The following CSMD1 variants were observed in gnomAD, a reference collection of about 807,000 sequenced individuals.
CSMD1 encodes the protein CUB and sushi domain-containing protein 1.
CSMD1 carries 213 observed loss-of-function variants against 417.5 expected under a neutral mutation model. That is an observed-to-expected ratio of 0.51 (90% CI 0.46 to 0.57). The LOEUF (loss-of-function observed/expected upper bound fraction) is 0.57, where lower values mean the gene tolerates loss of function less well. Ranked by LOEUF, CSMD1 falls within the 20% of genes least tolerant of loss-of-function variation. The probability of loss-of-function intolerance (pLI) is 0.00; values close to 1 mark genes in which losing one functional copy is unlikely to be tolerated. For missense variants in CSMD1, 6,923 were observed against 4,529.7 expected (o/e 1.53, Z -15.17); for synonymous variants, 2,862 against 1,736.8 (o/e 1.65, Z -16.11).
At chr8:4,306,200 G>A (rs1314220808) in intron 3 of CSMD1, among the ~76,000 whole-genome samples, 2 of 152,154 alleles carry the variant, frequency 1.3e-5, no homozygotes, top group African/African-American at 4.8e-5. Flanking sequence ...TAAAACGCTA[G>A]TGTGCTCTTC....
intron 7 of CSMD1, among the ~76,000 whole-genome samples, chr8:3,664,845 A>T (rs901506579): frequency 6.6e-6 from 1 of 152,242 alleles, no homozygotes; most frequent in Non-Finnish European, 1.5e-5. Flanking sequence ...TTTAGCAGTA[A>T]AGCCAGACAT....
intron 3 of CSMD1, among the ~76,000 whole-genome samples, chr8:4,138,973 T>C (rs1803608255): frequency 6.6e-6 from 1 of 152,198 alleles, no homozygotes; most frequent in Non-Finnish European, 1.5e-5. Context: ...GCCATGCATC[T>C]TTCCTGAGCT....
chr8:3,175,115 G>T (rs902191873), intron 37 of CSMD1, among the ~76,000 whole-genome samples: 1 of 152,138 alleles, frequency 6.6e-6, no homozygotes, highest in East Asian at 1.9e-4. Context: ...ATCAAATCAG[G>T]TAAAACAGTA....
chr8:3,076,791 G>C (rs10081410), intron 49 of CSMD1, among the ~76,000 whole-genome samples: 3,331 of 152,250 alleles, frequency 0.022, 111 homozygotes, highest in African/African-American at 0.077. Flanking sequence ...CAAAATGCTG[G>C]GGATTCGAAG....
chr8:3,559,159 C>G lies in CSMD1; in HGVS notation c.1344+15786G>C, dbSNP rs533109416. ...TGTGTGTACCCTGTGGCAGGAACTT[C>G]CATGAGCTCTCTTTTAGCATATGGT... is the stretch of plus-strand genomic sequence containing the variant. On this transcript the variant is annotated intron_variant, in intron 10 of 69. Transcript: ENST00000635120. 2.4e-4 allele frequency among the ~76,000 whole-genome samples: 36 copies of G among 152,314 alleles called. 1 individual carries two copies. The Middle Eastern group carries it at 0.01, about 43-fold the overall frequency.
chr8:4,793,323 G>A (rs780566319), intron 1 of CSMD1, among the ~76,000 whole-genome samples: 10 of 152,086 alleles, frequency 6.6e-5, no homozygotes, highest in Non-Finnish European at 1.3e-4. Context: ...CACAGAAGAG[G>A]CATTTTTATT....
chr8:4,517,858 C>G (rs753725367), intron 2 of CSMD1, among the ~76,000 whole-genome samples: 2 of 152,096 alleles, frequency 1.3e-5, no homozygotes, highest in Non-Finnish European at 2.9e-5. Context: ...AAAAGCCACA[C>G]GTATTTTGTA....
At chr8:3,264,728 T>C (rs1208052048) in intron 26 of CSMD1, among the ~76,000 whole-genome samples, 1 of 152,220 alleles carries the variant, frequency 6.6e-6, no homozygotes, top group Non-Finnish European at 1.5e-5. Flanking sequence ...AAATGATTGC[T>C]AATAGAGTTT....
chr8:4,823,593 T>C lies in CSMD1; in HGVS notation c.85+170739A>G, dbSNP rs374126572. Among the ~76,000 whole-genome samples the C allele has an allele frequency of 7.3e-4, 111 of 152,184 alleles. 3 individuals are homozygous for C. In the South Asian group the frequency reaches 0.022, roughly 30 times the overall value. On this transcript the variant is annotated intron_variant, in intron 1 of 69. Transcript: ENST00000635120. Reference sequence around the variant, plus strand: ...CCAGTACACACAGCAAAGATGGGCATTTGCCCACTCAAACATACATCGACC... The same window carrying C: ...CCAGTACACACAGCAAAGATGGGCACTTGCCCACTCAAACATACATCGACC...
intron 2 of CSMD1, among the ~76,000 whole-genome samples, chr8:4,631,328 C>G (rs188290150): frequency 7.4e-4 from 112 of 151,996 alleles, no homozygotes; most frequent in African/African-American, 2.1e-3. Flanking sequence ...TGCCACCACG[C>G]TCCAGCCTGG....
chr8:3,298,225 G>C (rs987750508), intron 25 of CSMD1, among the ~76,000 whole-genome samples: 1 of 152,094 alleles, frequency 6.6e-6, no homozygotes, highest in Non-Finnish European at 1.5e-5. Flanking sequence ...AGCAATTCCT[G>C]GCCTCAGTGT....
chr8:3,256,189 G>A (rs539959608), intron 26 of CSMD1, among the ~76,000 whole-genome samples: 2 of 151,922 alleles, frequency 1.3e-5, no homozygotes, highest in Admixed American at 6.6e-5. Context: ...TTAGCTGGGC[G>A]TGGTGGTGGC....
At chr8:4,208,207 A>T (rs1399945773) in intron 3 of CSMD1, among the ~76,000 whole-genome samples, 1 of 152,184 alleles carries the variant, frequency 6.6e-6, no homozygotes, top group Admixed American at 6.5e-5. Context: ...TGGAACACAG[A>T]TATTTCTTCT....
intron 25 of CSMD1, among the ~76,000 whole-genome samples, chr8:3,285,877 C>T (rs1803115139): frequency 6.6e-6 from 1 of 151,860 alleles, no homozygotes; most frequent in South Asian, 2.1e-4. Flanking sequence ...TAAATGTGCA[C>T]AACGTGCAGG....
chr8:3,672,333 C>T (rs999509588), intron 7 of CSMD1, among the ~76,000 whole-genome samples: 1 of 140,564 alleles, frequency 7.1e-6, no homozygotes, highest in African/African-American at 2.7e-5. Flanking sequence ...GGCTTCTGAC[C>T]TTCCCCTTTT....
At chr8:4,069,103 T>C (rs1316850147) in intron 3 of CSMD1, among the ~76,000 whole-genome samples, 1 of 152,212 alleles carries the variant, frequency 6.6e-6, no homozygotes, top group East Asian at 1.9e-4. Context: ...ATGGACTCCA[T>C]TTTGATTTCC....
At chr8:4,834,245 G>A (rs1033973642) in intron 1 of CSMD1, among the ~76,000 whole-genome samples, 1 of 152,156 alleles carries the variant, frequency 6.6e-6, no homozygotes, top group Non-Finnish European at 1.5e-5. Context: ...AGAAAAATAT[G>A]TTTAGAAGGT....
At chr8:4,022,343 G>C (rs183119325) in intron 4 of CSMD1, among the ~76,000 whole-genome samples, 83 of 152,114 alleles carry the variant, frequency 5.5e-4, no homozygotes, top group African/African-American at 2.0e-3. Context: ...TTCAGCAGAA[G>C]TGAATAGCAT....
chr8:3,392,366 A>G (rs1277214038), intron 17 of CSMD1, among the ~76,000 whole-genome samples: 2 of 152,138 alleles, frequency 1.3e-5, no homozygotes, highest in Non-Finnish European at 2.9e-5. Context: ...AGTGAGTGTA[A>G]TCATTTTCTA....
Sources: allele counts gnomAD v4.1 joint callset (sites outside exome capture counted in the v4.1 genomes callset), GRCh38; gene constraint gnomAD v4.1.1; transcripts MANE v1.5; gene names NCBI Gene and HGNC (gene_info 2026-07-23, HGNC 2026-07-21).